Variants in ADORA2A observed in about 807,000 individuals in gnomAD.
The protein encoded by ADORA2A is adenosine receptor A2a.
A neutral mutation model predicts 18.4 loss-of-function variants in ADORA2A; 11 were observed. That is an observed-to-expected ratio of 0.60 (90% confidence interval 0.38 to 0.99). ADORA2A has a LOEUF of 0.99. Among genes scored for constraint, ADORA2A ranks in the 50% least tolerant of loss-of-function variants. The pLI is 0.01. For missense variants in ADORA2A, 449 were observed against 556.1 expected (o/e 0.81, Z 1.94); for synonymous variants, 218 against 237.3 (o/e 0.92, Z 0.75).
chr22:24,434,887 C>T (rs2043135301), intron 2 of ADORA2A, among the ~76,000 whole-genome samples: 1 of 152,176 alleles, frequency 6.6e-6, no homozygotes, highest in Non-Finnish European at 1.5e-5. Flanking sequence ...TTCCGGGCCA[C>T]ACAACGAGTT....
intron 2 of ADORA2A, among the ~76,000 whole-genome samples, chr22:24,436,507 A>AGAC (rs2043182353): frequency 6.6e-6 from 1 of 152,180 alleles, no homozygotes; most frequent in African/African-American, 2.4e-5. Context: ...TCTGTGAGAA[A>AGAC]GACTTCAGGC....
upstream of ADORA2A, among the ~76,000 whole-genome samples, chr22:24,427,142 C>T (rs949824383): frequency 2.6e-5 from 4 of 152,182 alleles, no homozygotes; most frequent in Non-Finnish European, 4.4e-5. Flanking sequence ...CCAGAGGCCC[C>T]GGGCTGGTCT....
chr22:24,433,631 G>A lies in ADORA2A; in HGVS notation c.227G>A (p.Gly76Asp). 6.2e-7 allele frequency: 1 copy of A among 1,613,772 alleles called. No homozygotes were observed. Among genetic ancestry groups the A allele is most frequent in the Non-Finnish European group, 8.5e-7 (1 of 1,180,036 alleles). Residue 76 changes from glycine (G) to aspartate (D), a missense_variant, in exon 2 of 3, where the codon GGC becomes GAC. By Grantham distance (94) the Gly-to-Asp change is moderately conservative. Transcript: ENST00000337539. ...ACCGGGTTCTGCGCTGCCTGCCACG[G>A]CTGCCTCTTCATTGCCTGCTTCGTC... Reference protein sequence around the residue: ...ISTGFCAACHGCLFIACFVLV... With the variant: ...ISTGFCAACHDCLFIACFVLV...
chr22:24,427,376 A>G (rs1489279322), upstream of ADORA2A, among the ~76,000 whole-genome samples: 2 of 152,100 alleles, frequency 1.3e-5, no homozygotes, highest in Non-Finnish European at 1.5e-5. Context: ...GGGCATTGTG[A>G]GGCCCTGCAC....
upstream of ADORA2A, among the ~76,000 whole-genome samples, chr22:24,424,244 G>C (rs2042892526): frequency 6.6e-6 from 1 of 152,026 alleles, no homozygotes; most frequent in Admixed American, 6.5e-5. This position sits in a 1 kb window ranked among gnomAD's most constrained non-coding sequence, Gnocchi z 4.9. Flanking sequence ...GCCGCGTGCG[G>C]GACCCTCCGA....
Position 24,433,648 on chromosome 22 carries a change from T to A in ADORA2A, c.244T>A (p.Cys82Ser). The change falls in exon 2 of 3, where the codon TGC becomes AGC. Residue 82 changes from cysteine to serine, a missense_variant. Cys to Ser is a moderately radical substitution (Grantham distance 112). Transcript: ENST00000337539. ...CTGCCACGGCTGCCTCTTCATTGCC[T>A]GCTTCGTCCTGGTCCTCACGCAGAG... is the stretch of plus-strand genomic sequence containing the variant. Reference protein sequence around the residue: ...AACHGCLFIACFVLVLTQSSI... With the variant: ...AACHGCLFIASFVLVLTQSSI... 2.5e-6 allele frequency: 4 copies of A among 1,613,460 alleles called. No homozygotes were observed. The highest frequency in any genetic ancestry group is 3.4e-6 in the Non-Finnish European group (4 of 1,180,044).
chr22:24,426,228 C>A (rs1325298623), upstream of ADORA2A, among the ~76,000 whole-genome samples: 1 of 152,218 alleles, frequency 6.6e-6, no homozygotes, highest in Non-Finnish European at 1.5e-5. Flanking sequence ...ACCCGAGCCA[C>A]CTAACCCCAA....
chr22:24,433,790 G>A, intron 2 of ADORA2A, 54 bp downstream of exon 2: 1 of 1,543,542 alleles, frequency 6.5e-7, no homozygotes, highest in African/African-American at 1.3e-5. Flanking sequence ...CCAGGCTTTG[G>A]TCTGTGCCCG....
At chr22:24,426,225 C>T (rs574740770), upstream of ADORA2A, among the ~76,000 whole-genome samples, 42 of 152,306 alleles carry the variant, frequency 2.8e-4, 1 homozygote, top group Middle Eastern at 0.017. Flanking sequence ...AATACCCGAG[C>T]CACCTAACCC....
chr22:24,423,686 G>A (rs1305573697), upstream of ADORA2A: 2 of 152,758 alleles, frequency 1.3e-5, no homozygotes, highest in Non-Finnish European at 2.9e-5. Context: ...GAGCGCGCTG[G>A]GGGGCCGCAG....
rs1266338168 is a variant in ADORA2A, at chr22:24,441,116, C to T, written c.866C>T (p.Ala289Val). ...TNSVVNPFIYAYRIREFRQTF... is the reference protein window; with the variant it reads ...TNSVVNPFIYVYRIREFRQTF... The stretch of plus-strand genomic sequence containing the variant: ...TCGGTTGTGAATCCCTTCATCTACG[C>T]CTACCGTATCCGCGAGTTCCGCCAG... The change falls in exon 3 of 3, where the codon GCC becomes GTC. Residue 289 changes from alanine to valine, a missense_variant. Ala to Val is a moderately conservative substitution (Grantham distance 64, BLOSUM62 0). Transcript: ENST00000337539. 6.2e-7 allele frequency: 1 copy of T among 1,614,168 alleles called. No homozygotes were observed. Among genetic ancestry groups the T allele is most frequent in the Admixed American group, 1.7e-5 (1 of 60,026 alleles).
In ADORA2A at chr22:24,440,911, G is replaced by C; in HGVS notation, c.661G>C (p.Ala221Pro). ...MESQPLPGER[A>P]RSTLQKEVHA... ...GAGCCAGCCTCTGCCGGGGGAGCGGGCACGGTCCACACTGCAGAAGGAGGT... is the reference window on the plus strand; with the variant it reads ...GAGCCAGCCTCTGCCGGGGGAGCGGCCACGGTCCACACTGCAGAAGGAGGT... Residue 221 changes from alanine to proline, a missense_variant, in exon 3 of 3, where the codon GCA (alanine) becomes CCA (proline). By Grantham distance (27) the Ala-to-Pro change is conservative. Transcript: ENST00000337539. The C allele has an allele frequency of 1.2e-6, 2 of 1,614,154 alleles. No homozygotes were observed. The highest frequency in any genetic ancestry group is 8.5e-7 in the Non-Finnish European group (1 of 1,180,016).
Position 24,441,350 on chromosome 22 carries a change from G to T in ADORA2A, c.1100G>T (p.Ser367Ile). Residue 367 changes from serine to isoleucine, a missense_variant, in exon 3 of 3, where the codon AGT (serine) becomes ATT (isoleucine). By Grantham distance (142) the Ser-to-Ile change is moderately radical. Transcript: ENST00000337539. The stretch of plus-strand genomic sequence containing the variant: ...AATGGCTATGCCCTGGGGCTGGTGA[G>T]TGGAGGGAGTGCCCAAGAGTCCCAG... ...RPNGYALGLV[S>I]GGSAQESQGN... The T allele has an allele frequency of 6.3e-7, 1 of 1,591,498 alleles. No homozygotes were observed. The highest frequency in any genetic ancestry group is 1.3e-5 in the African/African-American group (1 of 74,576).
rs750591133 is a variant in ADORA2A, at chr22:24,441,702, G to A, written c.*213G>A. The A allele has an allele frequency of 1.3e-5, 6 of 457,628 alleles. No homozygotes were observed. The highest frequency in any genetic ancestry group is 2.3e-5 in the Non-Finnish European group (6 of 266,242). 28.3% of individuals were successfully genotyped at this position (457,628 alleles called of 1,614,324 possible). ...TGAGGAAGCAGATGTTTCATGCTGT[G>A]AGGCCTTGCACCAGGTGGGGGCCAC... On this transcript the variant is annotated 3_prime_UTR_variant, in exon 3 of 3. Coordinates refer to ENST00000337539, the MANE Select transcript of ADORA2A (RefSeq NM_000675.6).
At chr22:24,424,431 G>T (rs924024264), upstream of ADORA2A, 3 of 152,224 alleles carry the variant, frequency 2.0e-5, no homozygotes, top group Non-Finnish European at 1.5e-5. The surrounding 1 kb of genome is among the most constrained non-coding windows in gnomAD (Gnocchi z 4.9). Context: ...ATGAACCTTC[G>T]CGAGCTCCTC....
rs1195673254 is a variant in ADORA2A, at chr22:24,431,125, G to A, written c.-274-2006G>A. On this transcript the variant is annotated intron_variant, in intron 1 of 2. Coordinates refer to ENST00000337539, the MANE Select transcript of ADORA2A (RefSeq NM_000675.6). ...GGCCAGGGATGGTGCCAGGAGAGCTGGTCTGGTGCATCCCTGCCAACGACA... is the reference window on the plus strand; with the variant it reads ...GGCCAGGGATGGTGCCAGGAGAGCTAGTCTGGTGCATCCCTGCCAACGACA... 3 of 456,800 alleles carry A rather than the reference G, an allele frequency of 6.6e-6. No individual in the cohort carries two copies. In the Admixed American group the frequency reaches 7.0e-5, roughly 11 times the overall value. The allele number at this position is 456,800 out of a possible 1,614,324, so 28.3% of individuals were successfully genotyped here.
At chr22:24,429,902 C>T (rs920325621) in intron 1 of ADORA2A, 1 of 152,318 alleles carries the variant, frequency 6.6e-6, no homozygotes, top group African/African-American at 2.4e-5. Context: ...CCAGCTGACT[C>T]TGTGTTGCTC....
upstream of ADORA2A, among the ~76,000 whole-genome samples, chr22:24,427,293 G>A (rs1020102951): frequency 8.5e-5 from 13 of 152,120 alleles, no homozygotes; most frequent in Admixed American, 2.0e-4. Flanking sequence ...AGCCTCCGGG[G>A]CTGCCTCGTC....
intron 2 of ADORA2A, among the ~76,000 whole-genome samples, chr22:24,439,993 C>T (rs1005955279): frequency 3.9e-5 from 6 of 151,936 alleles, no homozygotes; most frequent in Non-Finnish European, 8.8e-5. Context: ...CTTCTGGAGT[C>T]CCCAAGTCAA....
Sources: gnomAD v4.1 joint callset for allele counts (sites outside exome capture counted in the v4.1 genomes callset) on GRCh38, gnomAD v4.1.1 for gene constraint, Gnocchi (gnomAD v3.1) non-coding constraint, MANE v1.5 for transcripts, NCBI Gene and HGNC (gene_info 2026-07-23, HGNC 2026-07-21) for gene names.